WDPCP: variants seen among roughly 807,000 people sequenced by gnomAD.
WDPCP encodes WD repeat-containing and planar cell polarity effector protein fritz homolog.
Under a neutral mutation model 93.1 loss-of-function variants are expected in WDPCP, and 71 were observed. The observed-to-expected ratio is 0.76, with a 90% CI of 0.63 to 0.93. The LOEUF (loss-of-function observed/expected upper bound fraction) is 0.93, where lower values mean the gene tolerates loss of function less well. Among genes scored for constraint, WDPCP ranks in the 40% least tolerant of loss-of-function variants. The pLI, the probability that WDPCP is intolerant of heterozygous loss-of-function variation, is 0.00. For synonymous variants in WDPCP, 315 were observed against 315.0 expected, an observed-to-expected ratio of 1.00 and a Z score of 0.00; for missense variants, 844 against 887.4, an observed-to-expected ratio of 0.95 and a Z score of 0.62.
At chr2:63,776,655 CA>C (rs778768889) in intron 2 of WDPCP, among the ~76,000 whole-genome samples, 4,975 of 54,034 alleles carry the variant, frequency 0.092, 56 homozygotes, top group Non-Finnish European at 0.11. Context: ...GGCCCTGTCT[CA>C]AAAAAAAAAA....
At chr2:63,755,402 C>T (rs1194274512) in intron 2 of WDPCP, among the ~76,000 whole-genome samples, 2 of 152,052 alleles carry the variant, frequency 1.3e-5, no homozygotes, top group African/African-American at 2.4e-5. Flanking sequence ...AAGGACATGT[C>T]GTATAGTTGG....
intron 2 of WDPCP, among the ~76,000 whole-genome samples, chr2:63,745,806 A>C (rs1336042025): frequency 6.6e-6 from 1 of 152,026 alleles, no homozygotes; most frequent in East Asian, 1.9e-4. Context: ...TAGGGTAAAA[A>C]CTGTGCCTCT....
rs1026741171 is a variant in WDPCP, at chr2:63,657,282, G to A, written n.309-6444C>T. Among the ~76,000 whole-genome samples the A allele has an allele frequency of 2.9e-5, 4 of 139,496 alleles. No individual in the cohort carries two copies. The Admixed American group carries it at 3.2e-4, about 11-fold the overall frequency. 91.5% of individuals were successfully genotyped at this position (139,496 alleles called of 152,430 possible). Reference sequence around the variant, plus strand: ...TGCAGCGGCCCGATCTCGACTCACTGCAAGCTCCGCCTCCTGGGTTCATGC... The same window carrying A: ...TGCAGCGGCCCGATCTCGACTCACTACAAGCTCCGCCTCCTGGGTTCATGC... On this transcript the variant is annotated intron_variant and non_coding_transcript_variant, in intron 2 of 4. Coordinates refer to the WDPCP transcript ENST00000467687.
chr2:63,484,775 CAACT>C, intron 5 of WDPCP, 112 bp from the exon 6 acceptor site: 1 of 1,513,596 alleles, frequency 6.6e-7, no homozygotes, highest in Non-Finnish European at 9.1e-7. Flanking sequence ...CACAAAGATC[CAACT>C]GTTTTGGAAC....
At chr2:63,585,975 C>T (rs1009038575) in intron 1 of WDPCP, among the ~76,000 whole-genome samples, 4 of 151,608 alleles carry the variant, frequency 2.6e-5, no homozygotes, top group Non-Finnish European at 5.9e-5. Context: ...TACAGGTGCA[C>T]AACACCACAC....
intron 12 of WDPCP, among the ~76,000 whole-genome samples, chr2:63,357,566 C>G (rs1690112002): frequency 6.6e-6 from 1 of 152,140 alleles, no homozygotes; most frequent in Non-Finnish European, 1.5e-5. Flanking sequence ...GAGATACCAT[C>G]TCACAGTCAG....
chr2:63,586,877 G>A (rs905121658), intron 1 of WDPCP, among the ~76,000 whole-genome samples: 13 of 152,212 alleles, frequency 8.5e-5, no homozygotes, highest in Non-Finnish European at 1.8e-4. Context: ...CAAAAATCAT[G>A]AGATTGTTTT....
intron 13 of WDPCP, among the ~76,000 whole-genome samples, chr2:63,265,343 A>G (rs1559262249): frequency 6.6e-6 from 1 of 152,158 alleles, no homozygotes; most frequent in Non-Finnish European, 1.5e-5. Flanking sequence ...AGGAGACATT[A>G]TAACTGTATA....
chr2:63,743,404 G>A (rs1229065298), intron 2 of WDPCP, among the ~76,000 whole-genome samples: 1 of 152,062 alleles, frequency 6.6e-6, no homozygotes, highest in Non-Finnish European at 1.5e-5. Flanking sequence ...AAGAACAGCT[G>A]CTGGAAAGAT....
intron 13 of WDPCP, among the ~76,000 whole-genome samples, chr2:63,271,181 C>T (rs1682605465): frequency 6.6e-6 from 1 of 152,212 alleles, no homozygotes; most frequent in Non-Finnish European, 1.5e-5. Context: ...GTGTGCTCAC[C>T]AGAGCCTGAG....
rs376042621 is a variant in WDPCP, at chr2:63,648,455, A to G, written n.488+2204T>C. Among the ~76,000 whole-genome samples, 3 of 152,228 alleles carry G rather than the reference A, an allele frequency of 2.0e-5. No individual in the cohort carries two copies. The East Asian group carries it at 5.8e-4, about 29-fold the overall frequency. Reference sequence around the variant, plus strand: ...TGTATGTCATTCAATGAGTTGGGAAATGTATAGTTGTGTAATTATTACCAC... The same window carrying G: ...TGTATGTCATTCAATGAGTTGGGAAGTGTATAGTTGTGTAATTATTACCAC... On this transcript the variant is annotated intron_variant and non_coding_transcript_variant, in intron 3 of 4. Coordinates refer to the WDPCP transcript ENST00000467687.
intron 2 of WDPCP, among the ~76,000 whole-genome samples, chr2:63,812,380 G>C (rs146780334): frequency 6.6e-6 from 1 of 152,240 alleles, no homozygotes; most frequent in Non-Finnish European, 1.5e-5. Context: ...AACAGGTAAG[G>C]CTGTGTCTTT....
At chr2:63,747,154 T>C (rs1488670615) in intron 2 of WDPCP, among the ~76,000 whole-genome samples, 2 of 152,176 alleles carry the variant, frequency 1.3e-5, no homozygotes, top group South Asian at 4.1e-4. Flanking sequence ...TTCCCACTGA[T>C]TTGTAGCAGC....
chr2:63,536,025 A>C (rs1704249263), intron 1 of WDPCP, among the ~76,000 whole-genome samples: 1 of 152,232 alleles, frequency 6.6e-6, no homozygotes, highest in Admixed American at 6.5e-5. Flanking sequence ...AGAAAAAGTC[A>C]AACAATCCCA....
chr2:63,746,349 T>C (rs1223947956), intron 2 of WDPCP, among the ~76,000 whole-genome samples: 1 of 152,136 alleles, frequency 6.6e-6, no homozygotes, highest in African/African-American at 2.4e-5. Context: ...GATGATTGCA[T>C]TAACTAAACA....
intron 12 of WDPCP, among the ~76,000 whole-genome samples, chr2:63,343,775 T>C (rs1480866088): frequency 3.3e-5 from 5 of 152,216 alleles, no homozygotes. Context: ...TTAATGCTTC[T>C]TCTGCCAGGT....
chr2:63,428,144 C>T lies in WDPCP; in HGVS notation c.825+5601G>A, dbSNP rs372252864. The stretch of plus-strand genomic sequence containing the variant: ...GGATTCACAGCCGAATTCTACCAGA[C>T]GTAAAAAGAAGAACTGGTACCAATC... On this transcript the variant is annotated intron_variant, in intron 9 of 17. Transcript: ENST00000272321. Among the ~76,000 whole-genome samples the T allele has an allele frequency of 1.7e-4, 26 of 149,448 alleles. No homozygotes were observed. The South Asian group carries it at 4.0e-3, about 23-fold the overall frequency.
At chr2:63,629,410 A>G (rs944407699) in intron 3 of WDPCP, among the ~76,000 whole-genome samples, 10 of 152,220 alleles carry the variant, frequency 6.6e-5, no homozygotes, top group African/African-American at 2.4e-4. Flanking sequence ...TCATCCCACT[A>G]GGAAATTTGA....
chr2:63,748,058 T>C (rs1434259728), intron 2 of WDPCP, among the ~76,000 whole-genome samples: 1 of 151,978 alleles, frequency 6.6e-6, no homozygotes, highest in Non-Finnish European at 1.5e-5. Context: ...ATTTGCTAAC[T>C]CTAGCTGCTA....
Sources: allele counts gnomAD v4.1 joint callset (sites outside exome capture counted in the v4.1 genomes callset), GRCh38; gene constraint gnomAD v4.1.1; transcripts MANE v1.5; gene names NCBI Gene and HGNC (gene_info 2026-07-23, HGNC 2026-07-21).